Variants in ZDHHC1 observed in about 807,000 individuals in gnomAD.
The protein encoded by ZDHHC1 is palmitoyltransferase ZDHHC1.
In ZDHHC1, 45 loss-of-function variants were observed where a neutral mutation model predicts 46.9. The observed-to-expected ratio is 0.96, with a 90% CI of 0.76 to 1.23. The LOEUF (loss-of-function observed/expected upper bound fraction) is 1.23, where lower values mean the gene tolerates loss of function less well. Among genes scored for constraint, ZDHHC1 ranks in the 50% most tolerant of loss-of-function variants. The probability of loss-of-function intolerance (pLI) is 0.00; values close to 1 mark genes in which losing one functional copy is unlikely to be tolerated. For missense variants in ZDHHC1, 649 were observed against 670.8 expected (o/e 0.97, Z 0.36); for synonymous variants, 291 against 286.0 (o/e 1.02, Z -0.18).
In ZDHHC1 at chr16:67,401,596, C is replaced by T. The variant is rs1265740254; in HGVS notation, c.253-464G>A. 6.6e-6 allele frequency among the ~76,000 whole-genome samples: 1 copy of T among 152,222 alleles called. No individual in the cohort carries two copies. Among genetic ancestry groups the T allele is most frequent in the African/African-American group, 2.4e-5 (1 of 41,448 alleles). On this transcript the variant is annotated intron_variant, in intron 3 of 11. Coordinates refer to ENST00000565726, the MANE Select transcript of ZDHHC1 (RefSeq NM_001323627.2). This position sits in a 1 kb window ranked among gnomAD's most constrained non-coding sequence, Gnocchi z 4.6. ...TAGGAAGTCACCTCCAAAAGGGATG[C>T]AGCCACCCCCCTTTTCAGTAGCTGG...
At chr16:67,410,688 CTG>C (rs1462258903) in intron 1 of ZDHHC1, among the ~76,000 whole-genome samples, 1 of 150,858 alleles carries the variant, frequency 6.6e-6, no homozygotes, top group Non-Finnish European at 1.5e-5. Context: ...ATTATTTAGA[CTG>C]AGTCTCACTC....
At chr16:67,414,014 A>T (rs1223018549) in intron 1 of ZDHHC1, among the ~76,000 whole-genome samples, 1 of 151,934 alleles carries the variant, frequency 6.6e-6, no homozygotes, top group Non-Finnish European at 1.5e-5. Context: ...CTGAGTTGAC[A>T]TGGTTTGCAA....
intron 8 of ZDHHC1, 117 bp from the exon 9 acceptor site, chr16:67,395,683 T>C: frequency 9.9e-7 from 1 of 1,006,492 alleles, no homozygotes; most frequent in Non-Finnish European, 1.5e-6. Context: ...TCAGGCCTCA[T>C]GCCAGGCTCC....
chr16:67,399,924 G>T (rs1046336114), intron 4 of ZDHHC1, among the ~76,000 whole-genome samples: 1 of 152,218 alleles, frequency 6.6e-6, no homozygotes, highest in Non-Finnish European at 1.5e-5. Context: ...CATTTTTCCA[G>T]AAACTTCAGT....
intron 9 of ZDHHC1, 96 bp from the exon 10 acceptor site, chr16:67,395,376 G>A (rs2040408803): frequency 6.6e-7 from 1 of 1,515,080 alleles, no homozygotes; most frequent in Non-Finnish European, 8.8e-7. Context: ...TTAGCTCAGA[G>A]AAGGGCCTGA....
chr16:67,406,519 A>G lies in ZDHHC1; in HGVS notation c.10-77T>C. 1.4e-6 allele frequency: 2 copies of G among 1,439,706 alleles called. No homozygotes were observed. The highest frequency in any genetic ancestry group is 1.8e-6 in the Non-Finnish European group (2 of 1,096,106). The allele number at this position is 1,439,706 out of a possible 1,614,324, so 89.2% of individuals were successfully genotyped here. On this transcript the variant is annotated intron_variant, in intron 2 of 11. Transcript: ENST00000565726. The surrounding 1 kb of genome is among the most constrained non-coding windows in gnomAD (Gnocchi z 4.1). ...AGCCCAGGGCCTGTGTCTGCAGCCA[A>G]GTTTCAGCACAGGGGGAGTAGGCTG...
intron 1 of ZDHHC1, among the ~76,000 whole-genome samples, chr16:67,408,373 G>A (rs60924880): frequency 0.094 from 14,317 of 152,058 alleles, 1,167 homozygotes; most frequent in African/African-American, 0.22. Context: ...CCACTATGTT[G>A]CCCAGGGTGG....
chr16:67,395,224 G>C lies in ZDHHC1; in HGVS notation c.1067C>G (p.Pro356Arg). Residue 356 changes from proline to arginine, a missense_variant, in exon 10 of 12, where the codon CCA becomes CGA. By Grantham distance (103) the Pro-to-Arg change is moderately radical. Transcript: ENST00000565726. ...GQAEPPPPSS[P>R]DTLALPPRIR... ...CCGGGGAGGCAGGGCGAGAGTGTCT[G>C]GGGAAGAGGGTGGTGGAGGTTCCGC... The C allele has an allele frequency of 6.2e-7, 1 of 1,607,648 alleles. No homozygotes were observed. The highest frequency in any genetic ancestry group is 8.5e-7 in the Non-Finnish European group (1 of 1,177,544).
Position 67,398,687 on chromosome 16 carries a change from C to T in ZDHHC1, c.700G>A (p.Ala234Thr), listed in dbSNP as rs889715739. The change falls in exon 7 of 12, where the codon GCC (alanine) becomes ACC (threonine). Residue 234 changes from alanine to threonine, a missense_variant. Ala to Thr is a moderately conservative substitution (Grantham distance 58, BLOSUM62 0). Coordinates refer to ENST00000565726, the MANE Select transcript of ZDHHC1 (RefSeq NM_001323627.2). Reference protein sequence around the residue: ...TDVWFVFLPAAPVETQAPAIL... With the variant: ...TDVWFVFLPATPVETQAPAIL... Reference sequence around the variant, plus strand: ...GCAGGGGCCTGGGTCTCCACGGGGGCGGCAGGCAGGAACACGAACCACACA... The same window carrying T: ...GCAGGGGCCTGGGTCTCCACGGGGGTGGCAGGCAGGAACACGAACCACACA... 2.1e-5 allele frequency: 34 copies of T among 1,607,962 alleles called. No homozygotes were observed. The African/African-American group carries it at 2.8e-4, about 13-fold the overall frequency.
chr16:67,407,670 C>T (rs750083679), intron 2 of ZDHHC1, 97 bp downstream of exon 2: 91 of 773,726 alleles, frequency 1.2e-4, no homozygotes, highest in Non-Finnish European at 2.0e-4. Flanking sequence ...TGTCTGCCCT[C>T]ATTAGGACAA....
chr16:67,395,673 T>A, intron 8 of ZDHHC1, 107 bp from the exon 9 acceptor site: 1 of 1,087,312 alleles, frequency 9.2e-7, no homozygotes, highest in Non-Finnish European at 1.3e-6. Context: ...GTGGGATATC[T>A]CAGGCCTCAT....
At position 67,399,384 on chromosome 16, in the gene ZDHHC1, G is replaced by C. The variant is rs777043958; in HGVS notation, c.501C>G (p.Leu167=). Reference sequence around the variant, plus strand: ...AGTTCCGCTCGCCCACACAGTTGTTGAGCCACTTGCAGTGGTGGTCGAAAC... The same window carrying C: ...AGTTCCGCTCGCCCACACAGTTGTTCAGCCACTTGCAGTGGTGGTCGAAAC... ...VCGFDHHCKW[L]NNCVGERNYR... is the part of the protein sequence containing the mutation. The change falls in exon 5 of 12, where the codon CTC becomes CTG. Residue 167 remains leucine (L), a synonymous_variant. Coordinates refer to ENST00000565726, the MANE Select transcript of ZDHHC1 (RefSeq NM_001323627.2). 6.8e-6 allele frequency: 11 copies of C among 1,613,224 alleles called. No individual in the cohort carries two copies. The highest frequency in any genetic ancestry group is 1.3e-5 in the African/African-American group (1 of 74,938).
At position 67,394,444 on chromosome 16, in the gene ZDHHC1, T is replaced by C. The variant is rs2040373721; in HGVS notation, c.*166A>G. ...TCCGCAAAAGCATAAAAAAGTTTAT[T>C]GGAGCATCACAGCCGGTGGGGCGGG... On this transcript the variant is annotated 3_prime_UTR_variant, in exon 12 of 12. Coordinates refer to ENST00000565726, the MANE Select transcript of ZDHHC1 (RefSeq NM_001323627.2). 2.1e-6 allele frequency: 1 copy of C among 482,688 alleles called. No homozygotes were observed. Among genetic ancestry groups the C allele is most frequent in the Non-Finnish European group, 2.9e-6 (1 of 345,122 alleles). The allele number at this position is 482,688 out of a possible 1,614,324, so 29.9% of individuals were successfully genotyped here. A position where few individuals can be genotyped will look rare whatever the true frequency, so the allele number is the denominator to read the frequency against.
chr16:67,395,019 G>A lies in ZDHHC1; in HGVS notation c.1148C>T (p.Thr383Ile), dbSNP rs2040395727. 5 of 1,612,150 alleles carry A rather than the reference G, an allele frequency of 3.1e-6. No homozygotes were observed. The highest frequency in any genetic ancestry group is 4.2e-6 in the Non-Finnish European group (5 of 1,179,458). The change falls in exon 11 of 12, where the codon ACC becomes ATC. Residue 383 changes from threonine to isoleucine, a missense_variant. Transcript: ENST00000565726. ...RRVYKVRTSE[T>I]SDPASGPRAP... ...GCGCTCACCCGACGCCGGATCCGAGGTCTCAGACGTTCGCACTTTATACAC... is the reference window on the plus strand; with the variant it reads ...GCGCTCACCCGACGCCGGATCCGAGATCTCAGACGTTCGCACTTTATACAC...
chr16:67,413,295 A>G (rs1475083244), intron 1 of ZDHHC1, among the ~76,000 whole-genome samples: 1 of 152,166 alleles, frequency 6.6e-6, no homozygotes, highest in Non-Finnish European at 1.5e-5. Context: ...CGTTTCCCCC[A>G]GGATCTGCTT....
In ZDHHC1 at chr16:67,401,110, C is replaced by T; in HGVS notation, c.275G>A (p.Gly92Asp). Reference protein sequence around the residue: ...GYACMGAIFAGHLVVHLTAVS... With the variant: ...GYACMGAIFADHLVVHLTAVS... ...GGCGGTCAGGTGCACCACAAGGTGG[C>T]CAGCAAAGATGGCGCCCATGCACTG... Residue 92 changes from glycine (G) to aspartate (D), a missense_variant, in exon 4 of 12, where the codon GGC becomes GAC. Coordinates refer to ENST00000565726, the MANE Select transcript of ZDHHC1 (RefSeq NM_001323627.2). The surrounding 1 kb of genome is among the most constrained non-coding windows in gnomAD (Gnocchi z 4.6). The T allele has an allele frequency of 1.2e-6, 2 of 1,613,966 alleles. No homozygotes were observed. Among genetic ancestry groups the T allele is most frequent in the Non-Finnish European group, 1.7e-6 (2 of 1,180,002 alleles).
intron 1 of ZDHHC1, among the ~76,000 whole-genome samples, chr16:67,411,115 T>C (rs2040742174): frequency 6.6e-6 from 1 of 152,096 alleles, no homozygotes; most frequent in East Asian, 1.9e-4. Context: ...TTTAGGAATG[T>C]TGTTCTGAAA....
At position 67,410,568 on chromosome 16, in the gene ZDHHC1, T is replaced by C. The variant is rs1369967811; in HGVS notation, c.-38-2755A>G. On this transcript the variant is annotated intron_variant, in intron 1 of 11. Transcript: ENST00000565726. ...GTGAAAGCCATTGGCAGGATGACAG[T>C]AATCTGTTCACATTAACATTCACTT... 3.3e-5 allele frequency among the ~76,000 whole-genome samples: 5 copies of C among 152,168 alleles called. No individual in the cohort carries two copies. The South Asian group carries it at 6.2e-4, about 19-fold the overall frequency.
Position 67,408,313 on chromosome 16 carries a change from G to A in ZDHHC1, c.-38-500C>T, listed in dbSNP as rs143082214. Among the ~76,000 whole-genome samples, 1,361 of 151,504 alleles carry A rather than the reference G, an allele frequency of 9.0e-3. 5 individuals are homozygous for A. Among genetic ancestry groups the A allele is most frequent in the Non-Finnish European group, 0.014 (947 of 67,882 alleles). On this transcript the variant is annotated intron_variant, in intron 1 of 11. Coordinates refer to ENST00000565726, the MANE Select transcript of ZDHHC1 (RefSeq NM_001323627.2). ...CCAGAGTAGCTGGAAGTACAGGCAC[G>A]CACCACCACACCTGGCTACTTTATT...
Sources: gnomAD v4.1 joint callset for allele counts (sites outside exome capture counted in the v4.1 genomes callset) on GRCh38, gnomAD v4.1.1 for gene constraint, Gnocchi (gnomAD v3.1) non-coding constraint, MANE v1.5 for transcripts, NCBI Gene and HGNC (gene_info 2026-07-23, HGNC 2026-07-21) for gene names.